Variants in KIFAP3 observed in about 807,000 individuals in gnomAD.
KIFAP3 encodes the protein kinesin associated protein 3.
KIFAP3 carries 68 observed loss-of-function variants against 106.5 expected under a neutral mutation model. That is an observed-to-expected ratio of 0.64 (90% CI 0.53 to 0.78). KIFAP3 has a LOEUF of 0.78. KIFAP3 is among the 30% of genes least tolerant of loss of function. KIFAP3 has a pLI of 0.00. For synonymous variants in KIFAP3, 320 were observed against 311.5 expected (o/e 1.03, Z -0.29); for missense variants, 780 against 941.8 (o/e 0.83, Z 2.25).
intron 16 of KIFAP3, among the ~76,000 whole-genome samples, chr1:169,974,508 A>G (rs1329380410): frequency 1.3e-5 from 2 of 151,936 alleles, no homozygotes; most frequent in African/African-American, 4.8e-5. Context: ...ACATGGCTAT[A>G]TTGCATAGTG....
At chr1:170,072,538 A>G (rs957992287) in intron 1 of KIFAP3, among the ~76,000 whole-genome samples, 1 of 152,226 alleles carries the variant, frequency 6.6e-6, no homozygotes, top group Non-Finnish European at 1.5e-5. Flanking sequence ...CAAGTTCCAG[A>G]TAAAGGAAGG....
intron 17 of KIFAP3, 121 bp from the exon 18 acceptor site, chr1:169,961,356 A>T (rs928125316): frequency 1.5e-6 from 1 of 647,618 alleles, no homozygotes; most frequent in African/African-American, 1.8e-5. Context: ...AAGCACTACA[A>T]ATACCTGTTC....
chr1:170,074,577 T>C lies in KIFAP3; in HGVS notation c.-110A>G, dbSNP rs1051007501. Reference sequence around the variant, plus strand: ...TCACACCCAGAGGCGATGACAGTCCTGAGGCCTGCAAGGCGGGGCAGCAGC... The same window carrying C: ...TCACACCCAGAGGCGATGACAGTCCCGAGGCCTGCAAGGCGGGGCAGCAGC... On this transcript the variant is annotated 5_prime_UTR_variant, in exon 1 of 20. Transcript: ENST00000361580. 8.9e-6 allele frequency: 14 copies of C among 1,575,776 alleles called. No individual in the cohort carries two copies. The highest frequency in any genetic ancestry group is 1.1e-5 in the Non-Finnish European group (13 of 1,160,280).
At chr1:169,981,517 C>A (rs1666523010) in intron 15 of KIFAP3, among the ~76,000 whole-genome samples, 1 of 151,996 alleles carries the variant, frequency 6.6e-6, no homozygotes, top group Admixed American at 6.6e-5. Flanking sequence ...TATAATTTTT[C>A]TGTTTTATTA....
At position 170,001,778 on chromosome 1, in the gene KIFAP3, A is replaced by G. The variant is rs894337840; in HGVS notation, c.1184-9523T>C. On this transcript the variant is annotated intron_variant, in intron 10 of 19. Coordinates refer to ENST00000361580, the MANE Select transcript of KIFAP3 (RefSeq NM_014970.4). The stretch of plus-strand genomic sequence containing the variant: ...ATAAAGGCAACCTAGTTTCAAAAAA[A>G]TGGAAAACACTTCATTTTGCTTGGA... Among the ~76,000 whole-genome samples, 12 of 152,304 alleles carry G rather than the reference A, an allele frequency of 7.9e-5. No individual in the cohort carries two copies. In the East Asian group the frequency reaches 2.3e-3, roughly 29 times the overall value.
Position 169,939,126 on chromosome 1 carries a change from T to C in KIFAP3, c.2273+14885A>G, listed in dbSNP as rs138241152. Among the ~76,000 whole-genome samples, 973 of 152,104 alleles carry C rather than the reference T, an allele frequency of 6.4e-3. 13 individuals are homozygous for C. Among genetic ancestry groups the C allele is most frequent in the African/African-American group, 0.022 (900 of 41,498 alleles). ...ATCATTATGGCTACTGTGGAAAAAA[T>C]GAAGCAGAAGGGAAGTGCAGAAACA... On this transcript the variant is annotated intron_variant, in intron 19 of 19. Transcript: ENST00000361580.
At chr1:170,050,659 A>G (rs979265297) in intron 2 of KIFAP3, among the ~76,000 whole-genome samples, 2 of 152,236 alleles carry the variant, frequency 1.3e-5, no homozygotes, top group Admixed American at 6.5e-5. Context: ...CAGAAATTCT[A>G]CAAGCCAGAA....
chr1:169,955,518 G>A (rs1183885495), intron 18 of KIFAP3, among the ~76,000 whole-genome samples: 1 of 152,160 alleles, frequency 6.6e-6, no homozygotes, highest in Non-Finnish European at 1.5e-5. Context: ...AGACAGGTAA[G>A]AGTTAAATGA....
chr1:170,027,696 G>T (rs1307953696), intron 8 of KIFAP3, among the ~76,000 whole-genome samples: 1 of 152,042 alleles, frequency 6.6e-6, no homozygotes, highest in Admixed American at 6.6e-5. Context: ...GAGAACTGTG[G>T]AACAACTTCG....
chr1:169,944,547 G>A (rs970472129), intron 19 of KIFAP3, among the ~76,000 whole-genome samples: 1 of 152,116 alleles, frequency 6.6e-6, no homozygotes, highest in Non-Finnish European at 1.5e-5. Context: ...CCCCGTTTGT[G>A]TTACAGCTCT....
chr1:169,923,129 T>C (rs1404166480), intron 19 of KIFAP3: 7 of 983,328 alleles, frequency 7.1e-6, no homozygotes, highest in Non-Finnish European at 8.5e-6. Context: ...AGGTTAGCAT[T>C]TGTACTGAGC....
At chr1:169,940,206 G>A (rs1664033963) in intron 19 of KIFAP3, among the ~76,000 whole-genome samples, 1 of 152,170 alleles carries the variant, frequency 6.6e-6, no homozygotes, top group African/African-American at 2.4e-5. Flanking sequence ...AAGATAACCT[G>A]GGGTAAGTTG....
intron 2 of KIFAP3, among the ~76,000 whole-genome samples, chr1:170,054,966 T>C (rs1309998993): frequency 1.3e-5 from 2 of 152,154 alleles, no homozygotes; most frequent in Non-Finnish European, 2.9e-5. Context: ...TCACAGAACT[T>C]AAAGTAAAAT....
intron 17 of KIFAP3, among the ~76,000 whole-genome samples, chr1:169,969,040 A>G (rs774439577): frequency 6.6e-6 from 1 of 152,046 alleles, no homozygotes; most frequent in Non-Finnish European, 1.5e-5. Flanking sequence ...AAGAAATAAA[A>G]ATCAAACTTA....
intron 10 of KIFAP3, among the ~76,000 whole-genome samples, chr1:170,013,493 A>C (rs1242011123): frequency 6.0e-5 from 9 of 149,134 alleles, no homozygotes; most frequent in African/African-American, 2.0e-4. Flanking sequence ...ATATATATAT[A>C]TATAAAATAC....
rs144366318 is a variant in KIFAP3, at chr1:170,043,417, G to A, written c.319+3295C>T. ...TAAGGTCTCTTTACCCTGAGAAAAG[G>A]GACTGTGCGACTCCACCTATAACTG... On this transcript the variant is annotated intron_variant, in intron 3 of 19. Transcript: ENST00000361580. Among the ~76,000 whole-genome samples the A allele has an allele frequency of 7.5e-4, 114 of 152,266 alleles. 1 individual carries two copies. The East Asian group carries it at 0.02, about 26-fold the overall frequency.
rs191239504 is a variant in KIFAP3, at chr1:169,972,319, C to T, written c.1983+194G>A. Reference sequence around the variant, plus strand: ...TACCTGTAAAACATCTTTAAGGAGCCGATGACTTAAAAATTGAAAGCTAAA... The same window carrying T: ...TACCTGTAAAACATCTTTAAGGAGCTGATGACTTAAAAATTGAAAGCTAAA... On this transcript the variant is annotated intron_variant, in intron 17 of 19. Transcript: ENST00000361580. Among the ~76,000 whole-genome samples, 379 of 151,812 alleles carry T rather than the reference C, an allele frequency of 2.5e-3. 2 individuals carry two copies. Among genetic ancestry groups the T allele is most frequent in the African/African-American group, 8.7e-3 (361 of 41,398 alleles).
At chr1:170,080,766 T>C (rs1234932983) in intron 1 of KIFAP3, among the ~76,000 whole-genome samples, 1 of 152,140 alleles carries the variant, frequency 6.6e-6, no homozygotes, top group East Asian at 1.9e-4. Context: ...AAAACTGATA[T>C]CAGTACAATG....
At chr1:169,929,695 C>G (rs1663355773) in intron 19 of KIFAP3, among the ~76,000 whole-genome samples, 2 of 151,962 alleles carry the variant, frequency 1.3e-5, no homozygotes, top group African/African-American at 4.8e-5. Flanking sequence ...CCTTTTATTA[C>G]AATAAAACTA....
Sources: gnomAD v4.1 joint callset for allele counts (sites outside exome capture counted in the v4.1 genomes callset) on GRCh38, gnomAD v4.1.1 for gene constraint, MANE v1.5 for transcripts, NCBI Gene and HGNC (gene_info 2026-07-23, HGNC 2026-07-21) for gene names.